The following ST6GALNAC5 variants were observed in gnomAD, a reference collection of about 807,000 sequenced individuals.
The protein encoded by ST6GALNAC5 is ST6 N-acetylgalactosaminide alpha-2,6-sialyltransferase 5.
A neutral mutation model predicts 33.6 loss-of-function variants in ST6GALNAC5; 27 were observed. That is an observed-to-expected ratio of 0.80 (90% CI 0.59 to 1.11). The LOEUF is 1.11. Ranked by LOEUF, ST6GALNAC5 falls within the 50% of genes least tolerant of loss-of-function variation. The pLI, the probability that ST6GALNAC5 is intolerant of heterozygous loss-of-function variation, is 0.00. For missense variants in ST6GALNAC5, 428 were observed against 454.0 expected (o/e 0.94, Z 0.52); for synonymous variants, 194 against 171.2 (o/e 1.13, Z -1.04).
rs75768912 is a variant in ST6GALNAC5, at chr1:76,937,017, A to T, written c.261+68275A>T. Among the ~76,000 whole-genome samples, 955 of 144,530 alleles carry T rather than the reference A, an allele frequency of 6.6e-3. 9 individuals are homozygous for T. The highest frequency in any genetic ancestry group is 0.023 in the African/African-American group (912 of 39,506). The allele number at this position is 144,530 out of a possible 152,430, so 94.8% of individuals were successfully genotyped here. Reference sequence around the variant, plus strand: ...GTGTTAGAAAGGGGAGCTATAAGAGACATATTTTGGATACATTCCTCAGAG... The same window carrying T: ...GTGTTAGAAAGGGGAGCTATAAGAGTCATATTTTGGATACATTCCTCAGAG... On this transcript the variant is annotated intron_variant, in intron 2 of 4. Transcript: ENST00000477717.
chr1:76,963,202 A>G (rs1330879426), intron 2 of ST6GALNAC5, among the ~76,000 whole-genome samples: 2 of 152,210 alleles, frequency 1.3e-5, no homozygotes, highest in Non-Finnish European at 2.9e-5. Flanking sequence ...AATACTTATC[A>G]CATTAAAGAA....
chr1:77,025,535 A>G (rs1275336082), intron 2 of ST6GALNAC5, among the ~76,000 whole-genome samples: 1 of 147,344 alleles, frequency 6.8e-6, no homozygotes, highest in East Asian at 2.0e-4. Flanking sequence ...AAAAAAATGG[A>G]TCATAGAGTA....
At chr1:76,869,059 GC>G (rs1653434035) in intron 2 of ST6GALNAC5, 2 of 274,812 alleles carry the variant, frequency 7.3e-6, no homozygotes, top group Non-Finnish European at 6.6e-6. Flanking sequence ...GGTTCCTGAA[GC>G]CTCGGGTTTG....
intron 2 of ST6GALNAC5, among the ~76,000 whole-genome samples, chr1:76,936,979 T>TGTGTGTGTGTGTGTGC (rs1647213003): frequency 6.6e-6 from 1 of 151,590 alleles, no homozygotes; most frequent in African/African-American, 2.4e-5. Flanking sequence ...TGTGTGTGTG[T>TGTGTGTGTGTGTGTGC]GTGTGTGTGT....
chr1:76,979,110 G>GA (rs1649142124), intron 2 of ST6GALNAC5, among the ~76,000 whole-genome samples: 1 of 151,762 alleles, frequency 6.6e-6, no homozygotes, highest in Non-Finnish European at 1.5e-5. Flanking sequence ...ATGGATGAAA[G>GA]AAATTGAATA....
At chr1:76,963,892 T>C (rs1023941765) in intron 2 of ST6GALNAC5, among the ~76,000 whole-genome samples, 2 of 152,150 alleles carry the variant, frequency 1.3e-5, no homozygotes, top group Non-Finnish European at 2.9e-5. Flanking sequence ...TATGAATCCA[T>C]AAAAGGGGAG....
At chr1:76,956,770 G>A (rs1258722570) in intron 2 of ST6GALNAC5, among the ~76,000 whole-genome samples, 3 of 152,080 alleles carry the variant, frequency 2.0e-5, no homozygotes, top group African/African-American at 7.2e-5. Flanking sequence ...CCAAAAATCT[G>A]GTAGTTTTAC....
chr1:76,948,387 T>C (rs536112437), intron 2 of ST6GALNAC5, among the ~76,000 whole-genome samples: 109 of 152,282 alleles, frequency 7.2e-4, no homozygotes, highest in Middle Eastern at 3.4e-3. Flanking sequence ...TCCTCAGGGC[T>C]GTGCTGTGGG....
At position 76,914,020 on chromosome 1, in the gene ST6GALNAC5, A is replaced by G. The variant is rs567010568; in HGVS notation, c.261+45278A>G. Among the ~76,000 whole-genome samples, 402 of 152,294 alleles carry G rather than the reference A, an allele frequency of 2.6e-3. 3 individuals are homozygous for G. Among genetic ancestry groups the G allele is most frequent in the Admixed American group, 6.1e-3 (93 of 15,288 alleles). ...TCTCAGGAAACAAAATCAATGTACA[A>G]AAATCACAAGCATTCTTATACACCA... On this transcript the variant is annotated intron_variant, in intron 2 of 4. Coordinates refer to ENST00000477717, the MANE Select transcript of ST6GALNAC5 (RefSeq NM_030965.3).
chr1:76,920,254 A>G (rs894259698), intron 2 of ST6GALNAC5, among the ~76,000 whole-genome samples: 1 of 152,124 alleles, frequency 6.6e-6, no homozygotes, highest in African/African-American at 2.4e-5. Context: ...GCCTTCTACA[A>G]AGAAATAACA....
chr1:76,918,503 A>C (rs765880497), intron 2 of ST6GALNAC5, among the ~76,000 whole-genome samples: 1 of 151,564 alleles, frequency 6.6e-6, no homozygotes, highest in African/African-American at 2.4e-5. Context: ...CTGTAGTCTC[A>C]GCTACTCAGG....
chr1:76,957,824 A>C (rs987814504), intron 2 of ST6GALNAC5, among the ~76,000 whole-genome samples: 6 of 152,170 alleles, frequency 3.9e-5, no homozygotes, highest in African/African-American at 1.4e-4. Context: ...TTCTAAAAAC[A>C]TTCTTTATAG....
chr1:76,940,579 G>A (rs542974207), intron 2 of ST6GALNAC5, among the ~76,000 whole-genome samples: 6 of 152,068 alleles, frequency 3.9e-5, no homozygotes, highest in African/African-American at 4.8e-5. Flanking sequence ...GATGAAACTC[G>A]AGACCTGGAG....
chr1:76,963,094 C>T (rs377685609), intron 2 of ST6GALNAC5, among the ~76,000 whole-genome samples: 4 of 152,128 alleles, frequency 2.6e-5, no homozygotes, highest in South Asian at 4.1e-4. Context: ...GAATAGAAAA[C>T]CAGGGAGGTG....
intron 4 of ST6GALNAC5, among the ~76,000 whole-genome samples, chr1:77,059,708 T>G (rs1652513348): frequency 6.6e-6 from 1 of 152,174 alleles, no homozygotes; most frequent in South Asian, 2.1e-4. Context: ...TTTTCCCCAT[T>G]AATGTTCTGT....
chr1:76,896,567 C>T (rs919971023), intron 2 of ST6GALNAC5, among the ~76,000 whole-genome samples: 3 of 151,842 alleles, frequency 2.0e-5, no homozygotes, highest in South Asian at 2.1e-4. Flanking sequence ...GGGTGAGGAA[C>T]AGGAAAGAAG....
At chr1:76,986,588 G>C (rs1166336972) in intron 2 of ST6GALNAC5, among the ~76,000 whole-genome samples, 1 of 152,206 alleles carries the variant, frequency 6.6e-6, no homozygotes, top group Non-Finnish European at 1.5e-5. Flanking sequence ...TTCAACCATT[G>C]TGGAAGACAG....
chr1:77,045,487 T>C (rs1290668143), intron 3 of ST6GALNAC5, among the ~76,000 whole-genome samples: 1 of 152,208 alleles, frequency 6.6e-6, no homozygotes, highest in Non-Finnish European at 1.5e-5. Context: ...AATTACACAC[T>C]TTAGAAAATG....
At chr1:76,938,819 C>A (rs188027749) in intron 2 of ST6GALNAC5, among the ~76,000 whole-genome samples, 3 of 152,222 alleles carry the variant, frequency 2.0e-5, no homozygotes, top group Admixed American at 6.5e-5. Flanking sequence ...GATATTCAGC[C>A]TGAGTGGACC....
Sources: gnomAD v4.1 joint callset for allele counts (sites outside exome capture counted in the v4.1 genomes callset) on GRCh38, gnomAD v4.1.1 for gene constraint, MANE v1.5 for transcripts, NCBI Gene and HGNC (gene_info 2026-07-23, HGNC 2026-07-21) for gene names.